The following ITPK1 variants were observed in gnomAD, a reference collection of about 807,000 sequenced individuals.
ITPK1 encodes the protein inositol-tetrakisphosphate 1-kinase, also known as inositol 1,3,4-trisphosphate 5/6-kinase.
A neutral mutation model predicts 45.3 loss-of-function variants in ITPK1; 21 were observed. That is an observed-to-expected ratio of 0.46 (90% CI 0.33 to 0.67). ITPK1 has a LOEUF of 0.67. Among genes scored for constraint, ITPK1 ranks in the 30% least tolerant of loss-of-function variants. ITPK1 has a pLI of 0.02. For missense variants in ITPK1, 474 were observed against 573.5 expected, an observed-to-expected ratio of 0.83 and a Z score of 1.77; for synonymous variants, 258 against 253.6, an observed-to-expected ratio of 1.02 and a Z score of -0.16.
chr14:93,044,100 G>T (rs1426750219), intron 3 of ITPK1, among the ~76,000 whole-genome samples: 2 of 152,062 alleles, frequency 1.3e-5, no homozygotes, highest in Admixed American at 6.5e-5. Context: ...GGGAGGGGTT[G>T]GGGGGGAGGT....
chr14:92,990,147 C>A (rs1023810410), intron 5 of ITPK1, among the ~76,000 whole-genome samples: 1 of 152,240 alleles, frequency 6.6e-6, no homozygotes, highest in Non-Finnish European at 1.5e-5. Flanking sequence ...AATTTCCTGA[C>A]TCCCTTGCAG....
rs545016023 is a variant in ITPK1, at chr14:93,017,664, C to G, written c.121-863G>C. On this transcript the variant is annotated intron_variant, in intron 3 of 10. Transcript: ENST00000267615. ...TGCCTCGGAGGCAGCGGCGCCAGCC[C>G]GGCACCTGGCTGACCCCCAATCTGG... Among the ~76,000 whole-genome samples the G allele has an allele frequency of 2.0e-5, 3 of 152,232 alleles. No individual in the cohort carries two copies. In the East Asian group the frequency reaches 5.8e-4, roughly 29 times the overall value.
intron 4 of ITPK1, among the ~76,000 whole-genome samples, chr14:93,015,363 A>G (rs1033591924): frequency 6.6e-6 from 1 of 152,230 alleles, no homozygotes; most frequent in African/African-American, 2.4e-5. Flanking sequence ...CAGCCCTGGC[A>G]CAGGGCAGGG....
At chr14:92,942,880 C>G (rs1887502350) in intron 10 of ITPK1, among the ~76,000 whole-genome samples, 1 of 152,230 alleles carries the variant, frequency 6.6e-6, no homozygotes, top group Non-Finnish European at 1.5e-5. Context: ...TTTCAAAAAC[C>G]CTGGGCTGTC....
At chr14:92,996,756 T>C (rs973232475) in intron 4 of ITPK1, among the ~76,000 whole-genome samples, 8 of 152,216 alleles carry the variant, frequency 5.3e-5, no homozygotes, top group Non-Finnish European at 1.0e-4. Flanking sequence ...CACTTGGCTG[T>C]CCTCACTCCC....
intron 3 of ITPK1, among the ~76,000 whole-genome samples, chr14:93,046,576 T>C (rs1778403104): frequency 8.2e-6 from 1 of 122,536 alleles, no homozygotes; most frequent in South Asian, 2.9e-4. Context: ...TAAGCAGGGA[T>C]GGCCCAGCAG....
In ITPK1 at chr14:93,111,486, G is replaced by A. The variant is rs183277996; in HGVS notation, c.95+3583C>T. Among the ~76,000 whole-genome samples, 1,187 of 152,164 alleles carry A rather than the reference G, an allele frequency of 7.8e-3. 17 individuals carry two copies. Among genetic ancestry groups the A allele is most frequent in the African/African-American group, 0.027 (1,118 of 41,512 alleles). On this transcript the variant is annotated intron_variant, in intron 2 of 10. Transcript: ENST00000267615. Reference sequence around the variant, plus strand: ...AGCACTCTGGGAGGGCAAGGCAGGCGGATCACCTGAGGTCAGGAGTTCGAG... The same window carrying A: ...AGCACTCTGGGAGGGCAAGGCAGGCAGATCACCTGAGGTCAGGAGTTCGAG...
Position 93,034,410 on chromosome 14 carries a change from G to A in ITPK1, c.121-17609C>T, listed in dbSNP as rs1389011952. ...AGAAAACTCTTCTGGGGGCCCTACA[G>A]GCCTCCTCAGAGGGCGACTCCGGCC... On this transcript the variant is annotated intron_variant, in intron 3 of 10. Coordinates refer to ENST00000267615, the MANE Select transcript of ITPK1 (RefSeq NM_014216.6). The surrounding 1 kb of genome is among the most constrained non-coding windows in gnomAD (Gnocchi z 4.1). Among the ~76,000 whole-genome samples the A allele has an allele frequency of 1.3e-5, 2 of 152,206 alleles. No homozygotes were observed. The highest frequency in any genetic ancestry group is 2.9e-5 in the Non-Finnish European group (2 of 68,034).
chr14:93,092,425 T>C (rs10220492), intron 2 of ITPK1, among the ~76,000 whole-genome samples: 43,754 of 152,026 alleles, frequency 0.29, 7,020 homozygotes, highest in African/African-American at 0.44. Context: ...AGCACATGGC[T>C]ACACGGGCCT....
intron 5 of ITPK1, among the ~76,000 whole-genome samples, chr14:92,992,205 C>A (rs996678955): frequency 6.6e-6 from 1 of 152,200 alleles, no homozygotes; most frequent in African/African-American, 2.4e-5. Context: ...GCTAGCTGGG[C>A]CTTCTCATGT....
chr14:93,066,074 A>C (rs908320003), intron 3 of ITPK1: 17 of 305,000 alleles, frequency 5.6e-5, no homozygotes, highest in Middle Eastern at 4.1e-4. Flanking sequence ...CCACAAGTAC[A>C]TATTACTTAA....
intron 7 of ITPK1, among the ~76,000 whole-genome samples, chr14:92,959,640 C>T (rs1407005647): frequency 6.6e-6 from 1 of 152,074 alleles, no homozygotes; most frequent in Non-Finnish European, 1.5e-5. Context: ...TGCTTAAGCG[C>T]CACTGTCTTC....
intron 9 of ITPK1, among the ~76,000 whole-genome samples, chr14:92,951,340 CA>C (rs757135098): frequency 4.6e-5 from 7 of 152,218 alleles, no homozygotes; most frequent in Admixed American, 2.0e-4. Flanking sequence ...GATCTGGGGT[CA>C]AACCCCAGCC....
rs1354761766 is a variant in ITPK1 at position 93,076,779 on chromosome 14, T to C, written c.96-160A>G. The stretch of plus-strand genomic sequence containing the variant: ...CTACTGTCCCAGAACAGCCATGCCT[T>C]CCACTCCCAGCCACTCCTCAAACCA... On this transcript the variant is annotated intron_variant, in intron 2 of 10. Coordinates refer to ENST00000267615, the MANE Select transcript of ITPK1 (RefSeq NM_014216.6). This position sits in a 1 kb window ranked among gnomAD's most constrained non-coding sequence, Gnocchi z 4.3. Among the ~76,000 whole-genome samples the C allele has an allele frequency of 2.6e-5, 4 of 152,078 alleles. No individual in the cohort carries two copies. Among genetic ancestry groups the C allele is most frequent in the Non-Finnish European group, 5.9e-5 (4 of 68,002 alleles).
chr14:93,073,781 C>T (rs943300404), intron 3 of ITPK1, among the ~76,000 whole-genome samples: 11 of 152,330 alleles, frequency 7.2e-5, no homozygotes, highest in Middle Eastern at 3.4e-3. Flanking sequence ...AACTCCACCA[C>T]GGCCAGCTGA....
intron 3 of ITPK1, among the ~76,000 whole-genome samples, chr14:93,044,312 A>G (rs971168057): frequency 1.3e-5 from 2 of 151,522 alleles, no homozygotes; most frequent in African/African-American, 4.8e-5. Context: ...GCCCAGGTAT[A>G]TCTGAGTCAC....
intron 5 of ITPK1, among the ~76,000 whole-genome samples, chr14:92,987,572 G>A (rs993019030): frequency 1.3e-5 from 2 of 152,182 alleles, no homozygotes; most frequent in African/African-American, 4.8e-5. Context: ...GGGATTCTGA[G>A]AATCAGCTGT....
Position 93,061,237 on chromosome 14 carries a change from T to C in ITPK1, c.120+15358A>G, listed in dbSNP as rs182579977. Among the ~76,000 whole-genome samples, 14 of 152,352 alleles carry C rather than the reference T, an allele frequency of 9.2e-5. No individual in the cohort carries two copies. In the East Asian group the frequency reaches 2.1e-3, roughly 23 times the overall value. ...GGCTGTGTGATAAGTACTTTGACACTGTATCTCAATTACCCTTCTTAACCT... is the reference window on the plus strand; with the variant it reads ...GGCTGTGTGATAAGTACTTTGACACCGTATCTCAATTACCCTTCTTAACCT... On this transcript the variant is annotated intron_variant, in intron 3 of 10. Transcript: ENST00000267615.
At chr14:93,090,391 AG>A (rs1451971054) in intron 2 of ITPK1, among the ~76,000 whole-genome samples, 1 of 152,204 alleles carries the variant, frequency 6.6e-6, no homozygotes, top group Non-Finnish European at 1.5e-5. Flanking sequence ...GGTGTTGGAA[AG>A]GGTGGTCAGA....
Sources: gnomAD v4.1 joint callset for allele counts (sites outside exome capture counted in the v4.1 genomes callset) on GRCh38, gnomAD v4.1.1 for gene constraint, Gnocchi (gnomAD v3.1) non-coding constraint, MANE v1.5 for transcripts, NCBI Gene and HGNC (gene_info 2026-07-23, HGNC 2026-07-21) for gene names.